Variants in NFIC observed in about 807,000 individuals in gnomAD.
The protein encoded by NFIC is nuclear factor I C.
In NFIC, 12 loss-of-function variants were observed where a neutral mutation model predicts 54.4. The ratio of observed to expected loss-of-function variants is 0.22; its 90% CI spans 0.14 to 0.36. The LOEUF (loss-of-function observed/expected upper bound fraction) is 0.36, where lower values mean the gene tolerates loss of function less well. NFIC is among the 10% of genes least tolerant of loss of function. The pLI, the probability that NFIC is intolerant of heterozygous loss-of-function variation, is 1.00. For missense variants in NFIC, 575 were observed against 718.2 expected, an observed-to-expected ratio of 0.80 and a Z score of 2.28; for synonymous variants, 322 against 319.2, an observed-to-expected ratio of 1.01 and a Z score of -0.09.
Position 3,463,218 on chromosome 19 carries a change from A to G in NFIC, c.*449A>G. 1.0e-6 allele frequency: 1 copy of G among 1,003,466 alleles called. No homozygotes were observed. Among genetic ancestry groups the G allele is most frequent in the East Asian group, 1.1e-4 (1 of 9,234 alleles). The allele number at this position is 1,003,466 out of a possible 1,614,324, so 62.2% of individuals were successfully genotyped here. On this transcript the variant is annotated 3_prime_UTR_variant, in exon 11 of 11. Transcript: ENST00000443272. ...CGGAGACCAGGTGAGCACAGCCTGG[A>G]GCCTGTGCCCAGGGCCGACAGGCGC...
chr19:3,401,405 AG>A (rs2081553075), intron 2 of NFIC, among the ~76,000 whole-genome samples: 1 of 152,124 alleles, frequency 6.6e-6, no homozygotes, highest in African/African-American at 2.4e-5. Flanking sequence ...ACAGAGGCAG[AG>A]GAGGGGGCAG....
chr19:3,404,216 C>G (rs555163490), intron 2 of NFIC, among the ~76,000 whole-genome samples: 111 of 8,978 alleles, frequency 0.012, no homozygotes, highest in South Asian at 0.028. Flanking sequence ...CTCAGCTTGG[C>G]TGCTGGGAAG....
chr19:3,405,069 CG>C (rs1383201509), intron 2 of NFIC, among the ~76,000 whole-genome samples: 1 of 152,076 alleles, frequency 6.6e-6, no homozygotes, highest in African/African-American at 2.4e-5. Flanking sequence ...ATGGAGCCGG[CG>C]GGGGCCGGGT....
intron 2 of NFIC, among the ~76,000 whole-genome samples, chr19:3,399,956 G>A (rs561511302): frequency 2.2e-4 from 34 of 151,796 alleles, no homozygotes; most frequent in South Asian, 2.1e-4. Flanking sequence ...AGGCTGAGGC[G>A]GGAGGATCGC....
chr19:3,458,253 C>G lies in NFIC; in HGVS notation c.1509+1618C>G, dbSNP rs1338886889. On this transcript the variant is annotated intron_variant, in intron 10 of 10. Coordinates refer to ENST00000443272, the MANE Select transcript of NFIC (RefSeq NM_001245002.2). This position sits in a 1 kb window ranked among gnomAD's most constrained non-coding sequence, Gnocchi z 4.1. ...TTTGGGCCCCCTATGGCCAACCTCT[C>G]CCCCGCCTGGTGCTGATGGAGCCCG... Among the ~76,000 whole-genome samples, 1 of 152,210 alleles carries G rather than the reference C, an allele frequency of 6.6e-6. No individual in the cohort carries two copies. The highest frequency in any genetic ancestry group is 2.4e-5 in the African/African-American group (1 of 41,458).
intron 2 of NFIC, among the ~76,000 whole-genome samples, chr19:3,401,400 G>C (rs2081552913): frequency 6.6e-6 from 1 of 152,166 alleles, no homozygotes; most frequent in East Asian, 1.9e-4. Context: ...CAGGGACAGA[G>C]GCAGAGGAGG....
In NFIC at chr19:3,469,153, CAA is replaced by C. The variant is rs1335366355; in HGVS notation, c.*6386_*6387del. 38 of 150,346 alleles carry C rather than the reference CAA, an allele frequency of 2.5e-4. No homozygotes were observed. The East Asian group carries it at 6.8e-3, about 27-fold the overall frequency. 9.3% of individuals were successfully genotyped at this position (150,346 alleles called of 1,614,324 possible). A position where few individuals can be genotyped will look rare whatever the true frequency, so the allele number is the denominator to read the frequency against. On this transcript the variant is annotated 3_prime_UTR_variant, in exon 11 of 11. Transcript: ENST00000443272. ...ATTCCATAAAAGATTCAATAAAAGA[CAA>C]ACAAAAAAAAAAGAAAAAAGAAAAA... is the stretch of plus-strand genomic sequence containing the variant.
In NFIC at chr19:3,369,995, G is replaced by T. The variant is rs1057222310; in HGVS notation, c.30+3329G>T. On this transcript the variant is annotated intron_variant, in intron 1 of 10. Transcript: ENST00000443272. The surrounding 1 kb of genome is among the most constrained non-coding windows in gnomAD (Gnocchi z 4.3). ...GGCTGTCCTCCCACCCCAGACCCCC[G>T]ACCTTTGTTGGATTTTCTAGATCTT... Among the ~76,000 whole-genome samples, 3 of 152,142 alleles carry T rather than the reference G, an allele frequency of 2.0e-5. No individual in the cohort carries two copies. The highest frequency in any genetic ancestry group is 4.4e-5 in the Non-Finnish European group (3 of 68,014).
chr19:3,387,626 G>C (rs1269109930), intron 2 of NFIC, among the ~76,000 whole-genome samples: 1 of 152,114 alleles, frequency 6.6e-6, no homozygotes, highest in Non-Finnish European at 1.5e-5. Flanking sequence ...GCGTCTTTGA[G>C]GTGAGGCTTG....
intron 3 of NFIC, among the ~76,000 whole-genome samples, chr19:3,429,253 TACACAC>T (rs57948823): frequency 0.013 from 641 of 50,802 alleles, 95 homozygotes; most frequent in African/African-American, 0.051. Flanking sequence ...AAAAAATATA[TACACAC>T]ACACACACAC....
intron 1 of NFIC, among the ~76,000 whole-genome samples, chr19:3,378,430 T>C (rs2081144927): frequency 1.3e-5 from 2 of 152,170 alleles, no homozygotes; most frequent in African/African-American, 2.4e-5. Flanking sequence ...CAGTTTCCCT[T>C]GCTGGAAAAT....
chr19:3,411,688 T>G (rs2081763511), intron 2 of NFIC, among the ~76,000 whole-genome samples: 2 of 152,128 alleles, frequency 1.3e-5, no homozygotes, highest in South Asian at 4.1e-4. Context: ...ATGCTGAACC[T>G]TTTTGACCTG....
chr19:3,436,177 G>T (rs1244227825), intron 6 of NFIC, among the ~76,000 whole-genome samples: 1 of 143,394 alleles, frequency 7.0e-6, no homozygotes, highest in Non-Finnish European at 1.5e-5. Flanking sequence ...CGGAGTCTCG[G>T]TCTGCTGCCC....
Position 3,462,965 on chromosome 19 carries a change from G to A in NFIC, c.*196G>A. 7.1e-7 allele frequency: 1 copy of A among 1,413,606 alleles called. No homozygotes were observed. Among genetic ancestry groups the A allele is most frequent in the African/African-American group, 1.5e-5 (1 of 68,226 alleles). 87.6% of individuals were successfully genotyped at this position (1,413,606 alleles called of 1,614,324 possible). A position where few individuals can be genotyped will look rare whatever the true frequency, so the allele number is the denominator to read the frequency against. On this transcript the variant is annotated 3_prime_UTR_variant, in exon 11 of 11. Transcript: ENST00000443272. The stretch of plus-strand genomic sequence containing the variant: ...AAAAGAAAAAACAAAGGCAGAAGAA[G>A]AAGAAGAAGAAATAAAAACCCACCC...
chr19:3,426,568 C>A (rs372446204), intron 3 of NFIC, among the ~76,000 whole-genome samples: 2 of 152,130 alleles, frequency 1.3e-5, no homozygotes, highest in Non-Finnish European at 2.9e-5. Context: ...AGTCAGGGCC[C>A]GTCCCTCCTC....
intron 2 of NFIC, among the ~76,000 whole-genome samples, chr19:3,424,569 G>A (rs952050353): frequency 6.6e-6 from 1 of 151,518 alleles, no homozygotes; most frequent in African/African-American, 2.4e-5. Flanking sequence ...TAGAGATGGG[G>A]TTTCACCATG....
In NFIC at chr19:3,466,430, C is replaced by T. The variant is rs930706992; in HGVS notation, c.*3661C>T. On this transcript the variant is annotated 3_prime_UTR_variant, in exon 11 of 11. Coordinates refer to ENST00000443272, the MANE Select transcript of NFIC (RefSeq NM_001245002.2). The surrounding 1 kb of genome is among the most constrained non-coding windows in gnomAD (Gnocchi z 4.8). ...GTGTAGGGACCCACGCAGATGGTCC[C>T]ATTCATTCACTATTGCCCCCAACCC... 1 of 151,556 alleles carries T rather than the reference C, an allele frequency of 6.6e-6. No individual in the cohort carries two copies. The highest frequency in any genetic ancestry group is 1.5e-5 in the Non-Finnish European group (1 of 67,912). The allele number at this position is 151,556 out of a possible 1,614,324, so 9.4% of individuals were successfully genotyped here.
intron 2 of NFIC, among the ~76,000 whole-genome samples, chr19:3,411,896 C>T (rs1210343774): frequency 6.6e-6 from 1 of 152,096 alleles, no homozygotes; most frequent in African/African-American, 2.4e-5. Flanking sequence ...AGTTTGTCCG[C>T]GCCGTCAGTG....
chr19:3,405,204 G>C (rs921511172), intron 2 of NFIC, among the ~76,000 whole-genome samples: 2 of 152,264 alleles, frequency 1.3e-5, no homozygotes, highest in Non-Finnish European at 2.9e-5. Flanking sequence ...ACGCAGGAAG[G>C]ACGAGGCCGG....
Sources: gnomAD v4.1 joint callset for allele counts (sites outside exome capture counted in the v4.1 genomes callset) on GRCh38, gnomAD v4.1.1 for gene constraint, Gnocchi (gnomAD v3.1) non-coding constraint, MANE v1.5 for transcripts, NCBI Gene and HGNC (gene_info 2026-07-23, HGNC 2026-07-21) for gene names.